SCN9A: variants seen among roughly 807,000 people sequenced by gnomAD.
SCN9A encodes sodium voltage-gated channel alpha subunit 9.
In SCN9A, 131 loss-of-function variants were observed where a neutral mutation model predicts 187.0. That is an observed-to-expected ratio of 0.70 (90% confidence interval 0.61 to 0.81). The LOEUF (loss-of-function observed/expected upper bound fraction) is 0.81, where lower values mean the gene tolerates loss of function less well. SCN9A is among the 30% of genes least tolerant of loss of function. The probability of loss-of-function intolerance (pLI) is 0.00; values close to 1 mark genes in which losing one functional copy is unlikely to be tolerated. For missense variants in SCN9A, 2,252 were observed against 2,396.6 expected (o/e 0.94, Z 1.26); for synonymous variants, 809 against 808.6 (o/e 1.00, Z -0.01).
intron 24 of SCN9A, among the ~76,000 whole-genome samples, chr2:166,211,233 A>G (rs114392072): frequency 0.065 from 9,923 of 152,258 alleles, 373 homozygotes; most frequent in Non-Finnish European, 0.089. Flanking sequence ...AAATAAAGTG[A>G]AAGTATATAT....
chr2:166,365,781 T>C (rs1700399906), intron 1 of SCN9A, among the ~76,000 whole-genome samples: 1 of 152,330 alleles, frequency 6.6e-6, no homozygotes, highest in South Asian at 2.1e-4. Flanking sequence ...TCCTGTTTTA[T>C]TGTTTTTCAC....
chr2:166,233,247 C>A, intron 21 of SCN9A, 93 bp downstream of exon 21: 3 of 906,472 alleles, frequency 3.3e-6, no homozygotes, highest in East Asian at 3.1e-5. Flanking sequence ...TTTATGTAAA[C>A]AGAAACAACT....
Position 166,198,663 on chromosome 2 carries a change from A to G in SCN9A, c.*9T>C. On this transcript the variant is annotated 3_prime_UTR_variant, in exon 27 of 27. Coordinates refer to ENST00000642356, the MANE Select transcript of SCN9A (RefSeq NM_001365536.1). The stretch of plus-strand genomic sequence containing the variant: ...CACAGGCTGTAAACAATATATCAAA[A>G]ATGAAGCTCTATTTTTTGCTTTCCT... 1 of 1,563,406 alleles carries G rather than the reference A, an allele frequency of 6.4e-7. No homozygotes were observed. Among genetic ancestry groups the G allele is most frequent in the Non-Finnish European group, 8.7e-7 (1 of 1,151,602 alleles).
Position 166,284,436 on chromosome 2 carries a change from A to G in SCN9A, c.1974+17T>C, listed in dbSNP as rs776613676. On this transcript the variant is annotated intron_variant, in intron 12 of 26. Transcript: ENST00000642356. Reference sequence around the variant, plus strand: ...ACAAGGGCCCAGCCATGCCTGAGCTATGTAAAACGTCCTTACGCTGTCATC... The same window carrying G: ...ACAAGGGCCCAGCCATGCCTGAGCTGTGTAAAACGTCCTTACGCTGTCATC... 1.2e-5 allele frequency: 19 copies of G among 1,591,182 alleles called. No homozygotes were observed. The highest frequency in any genetic ancestry group is 3.5e-5 in the Admixed American group (2 of 56,382).
intron 24 of SCN9A, among the ~76,000 whole-genome samples, chr2:166,206,898 G>A (rs916429121): frequency 3.9e-5 from 6 of 152,096 alleles, no homozygotes; most frequent in African/African-American, 1.4e-4. Context: ...TCTAGGTACT[G>A]AGGAAGTTAT....
intron 1 of SCN9A, among the ~76,000 whole-genome samples, chr2:166,319,884 C>T (rs1444379909): frequency 6.6e-6 from 1 of 152,058 alleles, no homozygotes; most frequent in African/African-American, 2.4e-5. Flanking sequence ...GCAGTTAGTG[C>T]ATCCTGGCTA....
rs775344750 is a variant in SCN9A at position 166,242,532 on chromosome 2, G to T, written c.3597C>A (p.Val1199=). 12 of 1,597,226 alleles carry T rather than the reference G, an allele frequency of 7.5e-6. No homozygotes were observed. Among genetic ancestry groups the T allele is most frequent in the Middle Eastern group, 1.7e-4 (1 of 6,060 alleles). The change falls in exon 19 of 27, where the codon GTC becomes GTA. Residue 1199 remains valine (V), a synonymous_variant. Coordinates refer to ENST00000642356, the MANE Select transcript of SCN9A (RefSeq NM_001365536.1). ...VEHSWFESFI[V]LMILLSSGAL... is the part of the protein sequence containing the mutation. ...CACCACTGCTGAGCAGGATCATGAGGACAATGAAGCTTTCAAACCAACTGT... is the reference window on the plus strand; with the variant it reads ...CACCACTGCTGAGCAGGATCATGAGTACAATGAAGCTTTCAAACCAACTGT...
rs1693700952 is a variant in SCN9A at position 166,204,474 on chromosome 2, CAAACAAA to C, written c.4399-17_4399-11del. 1 of 26,606 alleles carries C rather than the reference CAAACAAA, an allele frequency of 3.8e-5. No homozygotes were observed. The highest frequency in any genetic ancestry group is 4.7e-3 in the East Asian group (1 of 212). 1.6% of individuals were successfully genotyped at this position (26,606 alleles called of 1,614,324 possible). A position where few individuals can be genotyped will look rare whatever the true frequency, so the allele number is the denominator to read the frequency against. Reference sequence around the variant, plus strand: ...TGTCTTGACCTCCAAGGTAAAGAAACAAACAAAAAATAAATGTAGTTAAAACCAGAAT... The same window carrying C: ...TGTCTTGACCTCCAAGGTAAAGAAACAAATAAATGTAGTTAAAACCAGAAT... On this transcript the variant is annotated splice_polypyrimidine_tract_variant and intron_variant, in intron 24 of 26. Transcript: ENST00000642356.
chr2:166,250,371 C>T (rs1344811911), intron 18 of SCN9A, among the ~76,000 whole-genome samples: 1 of 152,092 alleles, frequency 6.6e-6, no homozygotes, highest in Non-Finnish European at 1.5e-5. Context: ...GGAAGATAGG[C>T]ACTGTGCTAG....
intron 15 of SCN9A, 168 bp downstream of exon 15, chr2:166,277,972 G>C: frequency 1.8e-6 from 1 of 542,358 alleles, no homozygotes; most frequent in Non-Finnish European, 3.2e-6. Flanking sequence ...TATTCATGTG[G>C]TTTTAGTTCT....
intron 17 of SCN9A, among the ~76,000 whole-genome samples, chr2:166,253,312 G>A (rs1029534198): frequency 6.6e-6 from 1 of 151,724 alleles, no homozygotes; most frequent in Non-Finnish European, 1.5e-5. Context: ...ATCTATGTTG[G>A]CCTAGAGGCA....
chr2:166,201,181 T>C (rs1693492623), intron 26 of SCN9A, among the ~76,000 whole-genome samples: 1 of 149,586 alleles, frequency 6.7e-6, no homozygotes, highest in Non-Finnish European at 1.5e-5. Flanking sequence ...TTTATATATA[T>C]ACACACACTA....
intron 2 of SCN9A, among the ~76,000 whole-genome samples, chr2:166,308,099 T>G (rs887795429): frequency 6.6e-6 from 1 of 152,242 alleles, no homozygotes; most frequent in African/African-American, 2.4e-5. Flanking sequence ...TTTATTTTCC[T>G]GCTCCCTTTC....
intron 9 of SCN9A, among the ~76,000 whole-genome samples, chr2:166,292,353 T>C (rs562041604): frequency 6.6e-6 from 1 of 152,218 alleles, no homozygotes; most frequent in East Asian, 1.9e-4. Flanking sequence ...TGATGAAAAA[T>C]TATTTTAATT....
chr2:166,217,071 T>C (rs2106368205), intron 24 of SCN9A, among the ~76,000 whole-genome samples: 1 of 152,126 alleles, frequency 6.6e-6, no homozygotes, highest in African/African-American at 2.4e-5. Context: ...TTATAGTCAA[T>C]TGATTTTCAG....
At chr2:166,316,651 G>A (rs1157702300) in intron 1 of SCN9A, among the ~76,000 whole-genome samples, 1 of 152,216 alleles carries the variant, frequency 6.6e-6, no homozygotes, top group African/African-American at 2.4e-5. Flanking sequence ...CCAAGATCGT[G>A]CCACTGCACT....
intron 16 of SCN9A, among the ~76,000 whole-genome samples, chr2:166,274,140 A>T (rs1003470684): frequency 8.5e-5 from 13 of 152,158 alleles, no homozygotes; most frequent in African/African-American, 2.4e-4. Flanking sequence ...TAATCTGTTC[A>T]AGCGTTAAAC....
Position 166,307,087 on chromosome 2 carries a change from A to G in SCN9A, c.259-13T>C, listed in dbSNP as rs200464271. 4 of 1,443,192 alleles carry G rather than the reference A, an allele frequency of 2.8e-6. No homozygotes were observed. Among genetic ancestry groups the G allele is most frequent in the Non-Finnish European group, 3.9e-6 (4 of 1,029,602 alleles). The allele number at this position is 1,443,192 out of a possible 1,614,324, so 89.4% of individuals were successfully genotyped here. A position where few individuals can be genotyped will look rare whatever the true frequency, so the allele number is the denominator to read the frequency against. ...ATACTATGAAAGTCTGCAGGAGGAAAAAGAAAGGATGAAATTGAGAATCCA... is the reference window on the plus strand; with the variant it reads ...ATACTATGAAAGTCTGCAGGAGGAAGAAGAAAGGATGAAATTGAGAATCCA... On this transcript the variant is annotated splice_polypyrimidine_tract_variant and intron_variant, in intron 2 of 26. Transcript: ENST00000642356.
At chr2:166,233,104 C>T (rs1244937247) in intron 21 of SCN9A, among the ~76,000 whole-genome samples, 1 of 146,126 alleles carries the variant, frequency 6.8e-6, no homozygotes, top group Non-Finnish European at 1.5e-5. Context: ...ACCATATATG[C>T]ATACTATATA....
Sources: gnomAD v4.1 joint callset for allele counts (sites outside exome capture counted in the v4.1 genomes callset) on GRCh38, gnomAD v4.1.1 for gene constraint, MANE v1.5 for transcripts, NCBI Gene and HGNC (gene_info 2026-07-23, HGNC 2026-07-21) for gene names.